The following GFRA1 variants were observed in gnomAD, a reference collection of about 807,000 sequenced individuals.
GFRA1 encodes GDNF family receptor alpha 1, also known as GDNF family receptor alpha-1.
Under a neutral mutation model 51.6 loss-of-function variants are expected in GFRA1, and 16 were observed. The ratio of observed to expected loss-of-function variants is 0.31; its 90% CI spans 0.21 to 0.47. The LOEUF (loss-of-function observed/expected upper bound fraction) is 0.47, where lower values mean the gene tolerates loss of function less well. GFRA1 is among the 20% of genes least tolerant of loss of function. GFRA1 has a pLI of 1.00. For synonymous variants in GFRA1, 270 were observed against 241.3 expected (o/e 1.12, Z -1.10); for missense variants, 530 against 594.3 (o/e 0.89, Z 1.13).
chr10:116,257,428 G>C (rs1968957849), intron 4 of GFRA1, among the ~76,000 whole-genome samples: 1 of 152,080 alleles, frequency 6.6e-6, no homozygotes, highest in Non-Finnish European at 1.5e-5. Flanking sequence ...TGCCTTCCGA[G>C]CTTGTGCATG....
chr10:116,268,751 C>T (rs1969863609), intron 4 of GFRA1, among the ~76,000 whole-genome samples: 1 of 152,018 alleles, frequency 6.6e-6, no homozygotes. Context: ...ATAAAGACAA[C>T]ATTAGTCTGG....
intron 5 of GFRA1, among the ~76,000 whole-genome samples, chr10:116,173,947 G>A (rs1280938774): frequency 6.6e-6 from 1 of 152,072 alleles, no homozygotes; most frequent in African/African-American, 2.4e-5. Flanking sequence ...GGGCATGGTG[G>A]TGCATGCCTG....
chr10:116,184,822 T>C (rs1962552315), intron 5 of GFRA1, among the ~76,000 whole-genome samples: 1 of 152,042 alleles, frequency 6.6e-6, no homozygotes, highest in African/African-American at 2.4e-5. Flanking sequence ...GAGCCCTGGG[T>C]AGAGTCTCCC....
chr10:116,263,401 G>A (rs1197070657), intron 4 of GFRA1, among the ~76,000 whole-genome samples: 1 of 152,118 alleles, frequency 6.6e-6, no homozygotes, highest in Non-Finnish European at 1.5e-5. Context: ...TATACAGTAG[G>A]CATTATCATC....
chr10:116,198,190 G>A (rs772142222), intron 5 of GFRA1, among the ~76,000 whole-genome samples: 5 of 151,924 alleles, frequency 3.3e-5, no homozygotes, highest in Non-Finnish European at 7.4e-5. Flanking sequence ...CCTCCCCAAC[G>A]CCCCCACACG....
chr10:116,197,154 C>T (rs932670366), intron 5 of GFRA1, among the ~76,000 whole-genome samples: 5 of 151,974 alleles, frequency 3.3e-5, no homozygotes, highest in African/African-American at 9.7e-5. Flanking sequence ...CAGGTTGAAA[C>T]CTAATCACCG....
chr10:116,133,194 T>G (rs998698858), intron 5 of GFRA1, among the ~76,000 whole-genome samples: 4 of 152,170 alleles, frequency 2.6e-5, no homozygotes, highest in African/African-American at 9.7e-5. Flanking sequence ...TCAGCTAATG[T>G]GCTCCTCTCC....
At chr10:116,191,128 A>G (rs1032764887) in intron 5 of GFRA1, among the ~76,000 whole-genome samples, 1 of 152,222 alleles carries the variant, frequency 6.6e-6, no homozygotes, top group Non-Finnish European at 1.5e-5. Flanking sequence ...CAAGCCTTCT[A>G]TGATGACAGC....
At chr10:116,175,240 A>G (rs1249734460) in intron 5 of GFRA1, among the ~76,000 whole-genome samples, 1 of 152,154 alleles carries the variant, frequency 6.6e-6, no homozygotes, top group Non-Finnish European at 1.5e-5. Context: ...CCAGGTTAAT[A>G]GTGTCTGTTC....
intron 9 of GFRA1, among the ~76,000 whole-genome samples, chr10:116,087,122 A>G (rs1371018981): frequency 6.6e-6 from 1 of 152,218 alleles, no homozygotes; most frequent in Non-Finnish European, 1.5e-5. Flanking sequence ...TTTCTGGGGA[A>G]TAGAGCGCCT....
At chr10:116,112,700 G>A (rs1384540759) in intron 6 of GFRA1, among the ~76,000 whole-genome samples, 1 of 152,230 alleles carries the variant, frequency 6.6e-6, no homozygotes, top group Non-Finnish European at 1.5e-5. Context: ...ATCTCTCAGA[G>A]CAAGAAACCA....
chr10:116,143,656 TTCTC>T (rs3837365), intron 5 of GFRA1, among the ~76,000 whole-genome samples: 121,773 of 150,060 alleles, frequency 0.81, 49,377 homozygotes, highest in African/African-American at 0.88. Flanking sequence ...GTTTCATTCA[TTCTC>T]TCTCTCTCTC....
chr10:116,096,873 ACGCACACG>A (rs1319173991), intron 6 of GFRA1, 109 bp from the exon 7 acceptor site: 28 of 60,330 alleles, frequency 4.6e-4, no homozygotes, highest in Non-Finnish European at 1.1e-3. Context: ...TTTTCTGCAC[ACGCACACG>A]CACACACACA....
chr10:116,208,606 C>T (rs989714754), intron 5 of GFRA1, among the ~76,000 whole-genome samples: 1 of 152,142 alleles, frequency 6.6e-6, no homozygotes, highest in Non-Finnish European at 1.5e-5. Context: ...CAGTTGACAG[C>T]GCAGGGAGAA....
chr10:116,184,038 G>A (rs946849846), intron 5 of GFRA1, among the ~76,000 whole-genome samples: 5 of 152,210 alleles, frequency 3.3e-5, no homozygotes, highest in African/African-American at 9.7e-5. Context: ...AGTGCTTCCC[G>A]AGGCTGCATG....
At chr10:116,066,850 G>A (rs558702015) in intron 9 of GFRA1, among the ~76,000 whole-genome samples, 134 of 152,330 alleles carry the variant, frequency 8.8e-4, no homozygotes, top group Non-Finnish European at 1.7e-3. Context: ...CTTGAATCAA[G>A]GAGGACCTGG....
At chr10:116,194,041 T>TAAATAA (rs1963508352) in intron 5 of GFRA1, among the ~76,000 whole-genome samples, 1 of 46,674 alleles carries the variant, frequency 2.1e-5, no homozygotes, top group African/African-American at 1.1e-4. Context: ...TCCGTCTCAA[T>TAAATAA]AAAAAAAAAT....
Position 116,057,676 on chromosome 10 carries a change from GAGA to G in GFRA1, c.*6719_*6721del, listed in dbSNP as rs975654835. On this transcript the variant is annotated 3_prime_UTR_variant, in exon 11 of 11. Coordinates refer to ENST00000355422, the MANE Select transcript of GFRA1 (RefSeq NM_005264.8). ...CCCCACTCCCTTGGGCGAGGGAAGG[GAGA>G]AGAAGATAGATAATGAGGAGAACTA... 6 of 151,734 alleles carry G rather than the reference GAGA, an allele frequency of 4.0e-5. No individual in the cohort carries two copies. Among genetic ancestry groups the G allele is most frequent in the African/African-American group, 7.3e-5 (3 of 41,300 alleles). The allele number at this position is 151,734 out of a possible 1,614,324, so 9.4% of individuals were successfully genotyped here.
intron 5 of GFRA1, among the ~76,000 whole-genome samples, chr10:116,126,502 C>T (rs888811624): frequency 1.1e-4 from 17 of 152,252 alleles, no homozygotes. Flanking sequence ...GATGAATGGA[C>T]AACAGGAATT....
Sources: gnomAD v4.1 joint callset for allele counts (sites outside exome capture counted in the v4.1 genomes callset) on GRCh38, gnomAD v4.1.1 for gene constraint, MANE v1.5 for transcripts, NCBI Gene and HGNC (gene_info 2026-07-23, HGNC 2026-07-21) for gene names.